MAP3K5: variants seen among roughly 807,000 people sequenced by gnomAD.
The protein encoded by MAP3K5 is mitogen-activated protein kinase kinase kinase 5, also known as ASK-1.
In MAP3K5, 56 loss-of-function variants were observed where a neutral mutation model predicts 158.7. The ratio of observed to expected loss-of-function variants is 0.35; its 90% confidence interval spans 0.28 to 0.44. The LOEUF is 0.44. MAP3K5 is among the 20% of genes least tolerant of loss of function. The probability of loss-of-function intolerance (pLI) is 1.00; values close to 1 mark genes in which losing one functional copy is unlikely to be tolerated. For missense variants in MAP3K5, 1,294 were observed against 1,674.8 expected (o/e 0.77, Z 3.97); for synonymous variants, 579 against 601.7 (o/e 0.96, Z 0.55).
intron 7 of MAP3K5, among the ~76,000 whole-genome samples, chr6:136,669,939 T>C (rs1010709788): frequency 6.7e-6 from 1 of 149,786 alleles, no homozygotes; most frequent in African/African-American, 2.5e-5. Flanking sequence ...CATTTAAAAA[T>C]GAGAACCCCG....
intron 25 of MAP3K5, 106 bp from the exon 26 acceptor site, chr6:136,567,980 A>G: frequency 8.1e-7 from 1 of 1,235,658 alleles, no homozygotes. Context: ...TAAGATATAT[A>G]TTCCAAACTG....
chr6:136,614,801 T>A (rs182369052), intron 15 of MAP3K5, among the ~76,000 whole-genome samples: 39 of 152,330 alleles, frequency 2.6e-4, no homozygotes, highest in African/African-American at 7.9e-4. Flanking sequence ...ACTTGCATAA[T>A]GTACATTCCA....
chr6:136,673,710 G>GA (rs74273362), intron 7 of MAP3K5, among the ~76,000 whole-genome samples: 8,563 of 107,646 alleles, frequency 0.08, 308 homozygotes, highest in East Asian at 0.19. Context: ...CAGAGATATA[G>GA]AAAAAAAAAA....
chr6:136,701,855 T>G (rs1224504872), intron 3 of MAP3K5, among the ~76,000 whole-genome samples: 1 of 152,246 alleles, frequency 6.6e-6, no homozygotes, highest in African/African-American at 2.4e-5. Context: ...GATAAAATTA[T>G]GTAGCCTCAG....
chr6:136,696,721 T>C (rs1375797299), intron 5 of MAP3K5, among the ~76,000 whole-genome samples: 1 of 152,244 alleles, frequency 6.6e-6, no homozygotes, highest in East Asian at 1.9e-4. Flanking sequence ...TGATATAACC[T>C]GTTAGTGTGT....
intron 1 of MAP3K5, among the ~76,000 whole-genome samples, chr6:136,731,008 G>A (rs960018524): frequency 1.3e-5 from 2 of 152,212 alleles, no homozygotes; most frequent in South Asian, 2.1e-4. Flanking sequence ...AACCACACGT[G>A]ACAACATGGA....
intron 3 of MAP3K5, among the ~76,000 whole-genome samples, chr6:136,703,015 G>GT (rs1174731005): frequency 4.6e-5 from 7 of 151,878 alleles, no homozygotes; most frequent in Admixed American, 2.0e-4. Context: ...TATTTTCACC[G>GT]TTTTTTCTTT....
upstream of MAP3K5, chr6:136,792,518 G>C (rs1439853647): frequency 5.9e-6 from 2 of 339,842 alleles, no homozygotes; most frequent in Non-Finnish European, 8.3e-6. The surrounding 1 kb of genome is among the most constrained non-coding windows in gnomAD (Gnocchi z 5.7). Flanking sequence ...CGCCGCGCTC[G>C]GGGTGCAGCC....
intron 14 of MAP3K5, among the ~76,000 whole-genome samples, chr6:136,626,634 A>C (rs1777050329): frequency 6.6e-6 from 1 of 152,198 alleles, no homozygotes. Flanking sequence ...TGTGCCTGCC[A>C]CGCTGGAATT....
At position 136,576,406 on chromosome 6, in the gene MAP3K5, G is replaced by A. The variant is rs118023269; in HGVS notation, c.3517+3895C>T. Among the ~76,000 whole-genome samples the A allele has an allele frequency of 7.7e-3, 1,177 of 152,178 alleles. 5 individuals carry two copies. The highest frequency in any genetic ancestry group is 0.017 in the Middle Eastern group (5 of 294). On this transcript the variant is annotated intron_variant, in intron 25 of 29. Transcript: ENST00000359015. The stretch of plus-strand genomic sequence containing the variant: ...AGCTCACTGTAGCCTCTATCTCCTG[G>A]GCTCAAGCAATCCTCCCACCTCAGC...
chr6:136,737,302 T>C (rs1406051644), intron 1 of MAP3K5, among the ~76,000 whole-genome samples: 1 of 152,072 alleles, frequency 6.6e-6, no homozygotes, highest in Non-Finnish European at 1.5e-5. Context: ...TCACTACACC[T>C]GGGTGATGGG....
chr6:136,582,734 T>C (rs1362244838), intron 24 of MAP3K5, among the ~76,000 whole-genome samples: 1 of 152,248 alleles, frequency 6.6e-6, no homozygotes, highest in Non-Finnish European at 1.5e-5. Context: ...AGGGCTGAAT[T>C]AATTTTGGAA....
intron 15 of MAP3K5, among the ~76,000 whole-genome samples, chr6:136,616,475 T>A (rs980502761): frequency 6.6e-6 from 1 of 151,716 alleles, no homozygotes; most frequent in African/African-American, 2.4e-5. Context: ...TGGCTAATTT[T>A]TGCATTTTTA....
At position 136,682,152 on chromosome 6, in the gene MAP3K5, A is replaced by G. The variant is rs538444785; in HGVS notation, c.1253+11988T>C. ...ATCCTGTACATCTATCTGGTCACCA[A>G]TGAGCTGGTGTCATGCTGAGTTACT... On this transcript the variant is annotated intron_variant, in intron 7 of 29. Transcript: ENST00000359015. 5.9e-5 allele frequency among the ~76,000 whole-genome samples: 9 copies of G among 152,344 alleles called. 1 individual carries two copies. The South Asian group carries it at 1.9e-3, about 32-fold the overall frequency.
At chr6:136,572,383 C>T (rs560237859) in intron 25 of MAP3K5, among the ~76,000 whole-genome samples, 29 of 152,208 alleles carry the variant, frequency 1.9e-4, no homozygotes, top group African/African-American at 6.7e-4. Context: ...CTCAGCCTTC[C>T]GAGTAGCTGG....
chr6:136,623,155 A>C (rs1197399683), intron 14 of MAP3K5, among the ~76,000 whole-genome samples, 174 bp from the exon 15 acceptor site: 1 of 152,240 alleles, frequency 6.6e-6, no homozygotes. Context: ...CATAAAGCAG[A>C]TACTGTGTTT....
intron 1 of MAP3K5, among the ~76,000 whole-genome samples, chr6:136,735,949 T>C (rs1405543316): frequency 1.3e-5 from 2 of 152,192 alleles, no homozygotes; most frequent in Non-Finnish European, 2.9e-5. Flanking sequence ...TTGCATGCCA[T>C]AGAAATATAA....
At chr6:136,770,283 C>G (rs1267825039) in intron 1 of MAP3K5, among the ~76,000 whole-genome samples, 1 of 152,096 alleles carries the variant, frequency 6.6e-6, no homozygotes, top group African/African-American at 2.4e-5. Context: ...ACATACAGAA[C>G]AGTGCACTGT....
chr6:136,693,142 T>A (rs1583428161), intron 7 of MAP3K5, among the ~76,000 whole-genome samples: 1 of 152,194 alleles, frequency 6.6e-6, no homozygotes, highest in Non-Finnish European at 1.5e-5. Context: ...GATAAAGAAA[T>A]TTTCCCAGTA....
Sources: gnomAD v4.1 joint callset for allele counts (sites outside exome capture counted in the v4.1 genomes callset) on GRCh38, gnomAD v4.1.1 for gene constraint, Gnocchi (gnomAD v3.1) non-coding constraint, MANE v1.5 for transcripts, NCBI Gene and HGNC (gene_info 2026-07-23, HGNC 2026-07-21) for gene names.